ALKBH8: variants seen among roughly 807,000 people sequenced by gnomAD.
ALKBH8 encodes tRNA (carboxymethyluridine(34)-5-O)-methyltransferase ALKBH8.
In ALKBH8, 36 loss-of-function variants were observed where a neutral mutation model predicts 59.8. That is an observed-to-expected ratio of 0.60 (90% CI 0.46 to 0.79). ALKBH8 has a LOEUF of 0.79. Among genes scored for constraint, ALKBH8 ranks in the 30% least tolerant of loss-of-function variants. The probability of loss-of-function intolerance (pLI) is 0.00; values close to 1 mark genes in which losing one functional copy is unlikely to be tolerated. For missense variants in ALKBH8, 768 were observed against 801.0 expected (o/e 0.96, Z 0.50); for synonymous variants, 276 against 273.6 (o/e 1.01, Z -0.09).
intron 7 of ALKBH8, among the ~76,000 whole-genome samples, chr11:107,544,558 T>TA (rs1489512678): frequency 2.0e-5 from 3 of 152,166 alleles, no homozygotes; most frequent in Admixed American, 6.5e-5. Context: ...ATTCAATGTA[T>TA]AAAAAATGAC....
At chr11:107,525,182 A>G (rs895410661) in intron 9 of ALKBH8, among the ~76,000 whole-genome samples, 1 of 152,230 alleles carries the variant, frequency 6.6e-6, no homozygotes, top group Non-Finnish European at 1.5e-5. Context: ...TTCAATAAGT[A>G]AAACATTTAT....
chr11:107,530,576 A>G (rs774652120), intron 8 of ALKBH8, among the ~76,000 whole-genome samples: 48 of 120,916 alleles, frequency 4.0e-4, no homozygotes, highest in Non-Finnish European at 7.5e-4. Flanking sequence ...TCTCTCCCCC[A>G]TTTCCCCATC....
intron 7 of ALKBH8, among the ~76,000 whole-genome samples, chr11:107,545,466 T>C (rs1285056700): frequency 6.6e-6 from 1 of 152,182 alleles, no homozygotes; most frequent in East Asian, 1.9e-4. Context: ...CAGGCAGGAC[T>C]CAACAGGTAT....
Position 107,515,858 on chromosome 11 carries a change from A to G in ALKBH8, c.1288-4822T>C, listed in dbSNP as rs989872452. ...TGTCAGTATGATAGAACTTCCTCTC[A>G]TACAAAATACAAATTGGCTCAACCA... On this transcript the variant is annotated intron_variant, in intron 10 of 11. Coordinates refer to ENST00000428149, the MANE Select transcript of ALKBH8 (RefSeq NM_138775.3). Among the ~76,000 whole-genome samples the G allele has an allele frequency of 5.3e-5, 8 of 152,212 alleles. No homozygotes were observed. In the East Asian group the frequency reaches 1.5e-3, roughly 29 times the overall value.
intron 7 of ALKBH8, among the ~76,000 whole-genome samples, chr11:107,534,518 C>A (rs1366094631): frequency 6.6e-6 from 1 of 152,134 alleles, no homozygotes; most frequent in East Asian, 1.9e-4. Flanking sequence ...AGGCACAATA[C>A]ATACGTATTT....
chr11:107,512,745 T>G (rs1057196055), intron 10 of ALKBH8, among the ~76,000 whole-genome samples: 5 of 152,250 alleles, frequency 3.3e-5, no homozygotes, highest in Admixed American at 3.3e-4. Flanking sequence ...ATTTACTCAT[T>G]TAATTTTTTG....
At chr11:107,512,288 TTTTTTA>T (rs1337226967) in intron 10 of ALKBH8, among the ~76,000 whole-genome samples, 11 of 134,216 alleles carry the variant, frequency 8.2e-5, no homozygotes, top group Non-Finnish European at 1.4e-4. Flanking sequence ...GGCTTAAGAC[TTTTTTA>T]TTTTAAGGGT....
intron 5 of ALKBH8, 147 bp downstream of exon 5, chr11:107,552,961 C>T: frequency 1.8e-6 from 1 of 544,476 alleles, no homozygotes; most frequent in Non-Finnish European, 3.1e-6. Flanking sequence ...CAAAACTATA[C>T]AATTTATCTA....
At chr11:107,509,307 T>C (rs1168987265) in intron 11 of ALKBH8, among the ~76,000 whole-genome samples, 1 of 152,226 alleles carries the variant, frequency 6.6e-6, no homozygotes, top group Non-Finnish European at 1.5e-5. Context: ...TTGTATATCT[T>C]CTTTGGAAAA....
chr11:107,550,550 C>T (rs1206197167), intron 6 of ALKBH8, among the ~76,000 whole-genome samples: 2 of 152,222 alleles, frequency 1.3e-5, no homozygotes, highest in Non-Finnish European at 2.9e-5. Flanking sequence ...CCTCTGTGCT[C>T]TACAGGAACG....
chr11:107,556,085 C>CTGG (rs1320030759), intron 3 of ALKBH8, among the ~76,000 whole-genome samples: 7 of 152,178 alleles, frequency 4.6e-5, no homozygotes, highest in Non-Finnish European at 1.0e-4. Flanking sequence ...CGAGGCCAGA[C>CTGG]TGGCCAACAC....
chr11:107,530,063 GAGAAGCTGAA>G (rs1863522208), intron 8 of ALKBH8, among the ~76,000 whole-genome samples: 2 of 152,128 alleles, frequency 1.3e-5, no homozygotes, highest in African/African-American at 4.8e-5. Context: ...CAATTTTCAA[GAGAAGCTGAA>G]AATTCAAATT....
At chr11:107,537,808 T>C (rs764604773) in intron 7 of ALKBH8, among the ~76,000 whole-genome samples, 3 of 151,916 alleles carry the variant, frequency 2.0e-5, no homozygotes, top group Non-Finnish European at 2.9e-5. Context: ...TGAAGACAAA[T>C]GGTAAAATTC....
In ALKBH8 at chr11:107,552,359, T is replaced by C. The variant is rs909050356; in HGVS notation, c.596-447A>G. Among the ~76,000 whole-genome samples, 20 of 132,732 alleles carry C rather than the reference T, an allele frequency of 1.5e-4. No homozygotes were observed. The South Asian group carries it at 2.8e-3, about 18-fold the overall frequency. 87.1% of individuals were successfully genotyped at this position (132,732 alleles called of 152,430 possible). A position where few individuals can be genotyped will look rare whatever the true frequency, so the allele number is the denominator to read the frequency against. On this transcript the variant is annotated intron_variant, in intron 5 of 11. Coordinates refer to ENST00000428149, the MANE Select transcript of ALKBH8 (RefSeq NM_138775.3). ...TTGTTTCATGATGGAAGAAAAGCCT[T>C]AAGTGAGACCAAAGTCATTAAAAAA...
chr11:107,539,812 G>A (rs1485580467), intron 7 of ALKBH8, among the ~76,000 whole-genome samples: 2 of 152,174 alleles, frequency 1.3e-5, no homozygotes, highest in Non-Finnish European at 2.9e-5. Flanking sequence ...AAGGAAAAGT[G>A]GCAATGTCAC....
chr11:107,532,278 C>T, intron 8 of ALKBH8, 22 bp downstream of exon 8: 1 of 1,586,904 alleles, frequency 6.3e-7, no homozygotes, highest in East Asian at 2.3e-5. Context: ...GAAAAAGAAT[C>T]CTGTCATATT....
chr11:107,514,636 C>T (rs1862782581), intron 10 of ALKBH8, among the ~76,000 whole-genome samples: 1 of 152,148 alleles, frequency 6.6e-6, no homozygotes, highest in South Asian at 2.1e-4. Context: ...TCTATGCCAT[C>T]AGCCAACAGT....
chr11:107,561,272 G>A (rs1174225364), intron 1 of ALKBH8, among the ~76,000 whole-genome samples: 3 of 151,724 alleles, frequency 2.0e-5, no homozygotes, highest in Non-Finnish European at 2.9e-5. Flanking sequence ...GCGGTGGGGG[G>A]AGAAATAACA....
chr11:107,550,835 G>A (rs1864460384), intron 6 of ALKBH8, among the ~76,000 whole-genome samples: 1 of 152,164 alleles, frequency 6.6e-6, no homozygotes, highest in Non-Finnish European at 1.5e-5. Flanking sequence ...GACATGTGAG[G>A]ACATTGAGAG....
Sources: gnomAD v4.1 joint callset for allele counts (sites outside exome capture counted in the v4.1 genomes callset) on GRCh38, gnomAD v4.1.1 for gene constraint, MANE v1.5 for transcripts, NCBI Gene and HGNC (gene_info 2026-07-23, HGNC 2026-07-21) for gene names.